DPP6: variants seen among roughly 807,000 people sequenced by gnomAD.
The protein encoded by DPP6 is dipeptidyl peptidase like 6.
In DPP6, 69 loss-of-function variants were observed where a neutral mutation model predicts 122.6. That is an observed-to-expected ratio of 0.56 (90% confidence interval 0.46 to 0.69). The LOEUF is 0.69. DPP6 is among the 30% of genes least tolerant of loss of function. DPP6 has a pLI of 0.00. For missense variants in DPP6, 928 were observed against 1,116.9 expected (o/e 0.83, Z 2.41); for synonymous variants, 418 against 433.1 (o/e 0.97, Z 0.43).
At chr7:153,984,310 T>C (rs1796737493) in intron 1 of DPP6, among the ~76,000 whole-genome samples, 1 of 152,154 alleles carries the variant, frequency 6.6e-6, no homozygotes, top group Non-Finnish European at 1.5e-5. Context: ...TCAAGAAACC[T>C]TTATTGCAAA....
intron 1 of DPP6, among the ~76,000 whole-genome samples, chr7:154,383,498 C>T (rs988267536): frequency 6.6e-6 from 1 of 152,084 alleles, no homozygotes; most frequent in African/African-American, 2.4e-5. Context: ...ACATTCTAGT[C>T]AAATTTAATA....
At chr7:154,846,830 A>G (rs992893990) in intron 16 of DPP6, among the ~76,000 whole-genome samples, 16 of 152,236 alleles carry the variant, frequency 1.1e-4, no homozygotes, top group Non-Finnish European at 2.2e-4. Flanking sequence ...ATCATTGTAT[A>G]TTATAGTATT....
intron 8 of DPP6, among the ~76,000 whole-genome samples, chr7:154,735,228 G>C (rs998322977): frequency 6.6e-6 from 1 of 152,192 alleles, no homozygotes; most frequent in African/African-American, 2.4e-5. Flanking sequence ...GATTCTCCAA[G>C]CTGAAATCAC....
chr7:154,805,060 C>A, intron 15 of DPP6, 96 bp downstream of exon 15: 1 of 1,471,638 alleles, frequency 6.8e-7, no homozygotes, highest in Non-Finnish European at 9.2e-7. Context: ...GAAAGGGCGG[C>A]AGCAAAGACA....
At chr7:154,724,174 C>T (rs1841953694) in intron 7 of DPP6, among the ~76,000 whole-genome samples, 3 of 152,034 alleles carry the variant, frequency 2.0e-5, no homozygotes. Flanking sequence ...TCAAAAGCTC[C>T]CCAGGCCATG....
intron 1 of DPP6, among the ~76,000 whole-genome samples, chr7:153,942,790 G>A (rs1801758609): frequency 6.6e-6 from 1 of 152,136 alleles, no homozygotes; most frequent in Non-Finnish European, 1.5e-5. Context: ...GGCTGCCTGT[G>A]GTTGCCTACC....
intron 1 of DPP6, among the ~76,000 whole-genome samples, chr7:154,011,986 TCAAAACA>T (rs1798174605): frequency 2.0e-5 from 3 of 152,212 alleles, no homozygotes; most frequent in Admixed American, 2.0e-4. Context: ...AATAACAATG[TCAAAACA>T]CCTATCACTA....
At chr7:153,983,429 G>C (rs1194668680) in intron 1 of DPP6, among the ~76,000 whole-genome samples, 1 of 152,246 alleles carries the variant, frequency 6.6e-6, no homozygotes, top group Non-Finnish European at 1.5e-5. Flanking sequence ...GTCAACTTCA[G>C]ACGGCTGTGC....
intron 1 of DPP6, among the ~76,000 whole-genome samples, chr7:154,429,179 T>C (rs1256431996): frequency 1.6e-4 from 6 of 36,960 alleles, no homozygotes; most frequent in Admixed American, 9.3e-4. Flanking sequence ...TCTTAATCTG[T>C]TAAAAAAAAA....
intron 1 of DPP6, among the ~76,000 whole-genome samples, chr7:153,937,421 C>T (rs1386872201): frequency 6.8e-6 from 1 of 148,138 alleles, no homozygotes; most frequent in Non-Finnish European, 1.5e-5. Context: ...GTGTTTTCTT[C>T]CCTCTTCAGA....
intron 3 of DPP6, among the ~76,000 whole-genome samples, chr7:154,526,054 A>G (rs1407002882): frequency 1.3e-5 from 2 of 152,234 alleles, no homozygotes; most frequent in Non-Finnish European, 2.9e-5. Context: ...TTTCCATGGC[A>G]TTCAAACTCC....
At position 154,117,820 on chromosome 7, in the gene DPP6, C is replaced by T. The variant is rs543007462; in HGVS notation, c.243+64757C>T. On this transcript the variant is annotated intron_variant, in intron 1 of 25. Transcript: ENST00000377770. ...GCAGACGGGTAGCAGAGACACATAC[C>T]GTGTTTCTGAGCGAGGACTGTAGCA... Among the ~76,000 whole-genome samples the T allele has an allele frequency of 2.9e-4, 44 of 151,798 alleles. No individual in the cohort carries two copies. In the South Asian group the frequency reaches 8.8e-3, roughly 30 times the overall value.
Position 154,605,152 on chromosome 7 carries a change from G to T in DPP6, c.628-32669G>T, listed in dbSNP as rs188245596. Among the ~76,000 whole-genome samples, 352 of 118,822 alleles carry T rather than the reference G, an allele frequency of 3.0e-3. 64 individuals are homozygous for T. The highest frequency in any genetic ancestry group is 9.1e-3 in the African/African-American group (342 of 37,594). The allele number at this position is 118,822 out of a possible 152,430, so 78.0% of individuals were successfully genotyped here. A position where few individuals can be genotyped will look rare whatever the true frequency, so the allele number is the denominator to read the frequency against. On this transcript the variant is annotated intron_variant, in intron 5 of 25. Transcript: ENST00000377770. ...CTTTGCATATAGAGGTGATCGTATT[G>T]TTCCTTTTTGTTTAATCTACTACTA... is the stretch of plus-strand genomic sequence containing the variant.
rs149307673 is a variant in DPP6 at position 153,916,992 on chromosome 7, C to T, written c.51+29258C>T. On this transcript the variant is annotated intron_variant, in intron 1 of 25. Coordinates refer to the DPP6 transcript ENST00000404039. Reference sequence around the variant, plus strand: ...GTTGTCACAATTGAGCGAGTGTGTCCCAGAGCTTTGCTTTTCACACTCGCA... The same window carrying T: ...GTTGTCACAATTGAGCGAGTGTGTCTCAGAGCTTTGCTTTTCACACTCGCA... Among the ~76,000 whole-genome samples the T allele has an allele frequency of 6.0e-3, 920 of 152,236 alleles. 3 individuals carry two copies. Among genetic ancestry groups the T allele is most frequent in the Non-Finnish European group, 8.8e-3 (601 of 68,026 alleles).
intron 1 of DPP6, among the ~76,000 whole-genome samples, chr7:154,054,646 A>G (rs1800664510): frequency 6.6e-6 from 1 of 151,952 alleles, no homozygotes. Context: ...TCCTTCAGTC[A>G]TCTGGTTCAA....
intron 1 of DPP6, among the ~76,000 whole-genome samples, chr7:153,934,643 C>T (rs1801340938): frequency 6.6e-6 from 1 of 152,162 alleles, no homozygotes; most frequent in African/African-American, 2.4e-5. Flanking sequence ...TGTGTGTGTA[C>T]ACACTCACGT....
Position 154,892,509 on chromosome 7 carries a change from CTCTT to C in DPP6, c.*33_*36del, listed in dbSNP as rs762838531. 9.8e-5 allele frequency: 158 copies of C among 1,607,490 alleles called. No homozygotes were observed. Among genetic ancestry groups the C allele is most frequent in the Admixed American group, 2.5e-4 (15 of 59,786 alleles). On this transcript the variant is annotated 3_prime_UTR_variant, in exon 26 of 26. Transcript: ENST00000377770. ...CAGGTCGCTCTAAGCACAAACGTGG[CTCTT>C]TCTACAACCAGATGCAACCGAGGGA...
intron 1 of DPP6, among the ~76,000 whole-genome samples, chr7:153,927,172 G>A (rs1468531599): frequency 6.6e-6 from 1 of 152,052 alleles, no homozygotes; most frequent in Non-Finnish European, 1.5e-5. Flanking sequence ...AGTTGGCTGG[G>A]CGTGGTGCTG....
intron 1 of DPP6, among the ~76,000 whole-genome samples, chr7:154,313,815 A>G (rs1281155002): frequency 6.7e-6 from 1 of 149,502 alleles, no homozygotes. Flanking sequence ...GGAAGACTCA[A>G]TATAATTATT....
Sources: allele counts gnomAD v4.1 joint callset (sites outside exome capture counted in the v4.1 genomes callset), GRCh38; gene constraint gnomAD v4.1.1; transcripts MANE v1.5; gene names NCBI Gene and HGNC (gene_info 2026-07-23, HGNC 2026-07-21).